The following RNF152 variants were observed in gnomAD, a reference collection of about 807,000 sequenced individuals.
The protein encoded by RNF152 is ring finger protein 152.
A neutral mutation model predicts 12.7 loss-of-function variants in RNF152; 11 were observed. The ratio of observed to expected loss-of-function variants is 0.86; its 90% confidence interval spans 0.54 to 1.43. The LOEUF (loss-of-function observed/expected upper bound fraction) is 1.43. RNF152 is among the 40% of genes most tolerant of loss of function. The pLI is 0.00. For synonymous variants in RNF152, 113 were observed against 120.3 expected, an observed-to-expected ratio of 0.94 and a Z score of 0.40; for missense variants, 255 against 274.8, an observed-to-expected ratio of 0.93 and a Z score of 0.51.
rs530346175 is a variant in RNF152 at position 61,878,114 on chromosome 18, A to G, written c.-136+14681T>C. Among the ~76,000 whole-genome samples the G allele has an allele frequency of 3.3e-5, 5 of 152,318 alleles. No individual in the cohort carries two copies. In the East Asian group the frequency reaches 9.7e-4, roughly 29 times the overall value. ...ACTCTGAACTGCATCTCATTTCCAT[A>G]TACATCCCATTGGTGAGAACCAGTC... On this transcript the variant is annotated intron_variant, in intron 1 of 1. Transcript: ENST00000312828.
intron 1 of RNF152, among the ~76,000 whole-genome samples, chr18:61,875,657 A>G (rs1912181795): frequency 6.6e-6 from 1 of 152,144 alleles, no homozygotes; most frequent in African/African-American, 2.4e-5. Flanking sequence ...TTTTCCCTGC[A>G]ATTTTATATC....
At chr18:61,836,060 G>C (rs1490545101) in intron 1 of RNF152, among the ~76,000 whole-genome samples, 1 of 152,160 alleles carries the variant, frequency 6.6e-6, no homozygotes, top group African/African-American at 2.4e-5. Flanking sequence ...CAACTGAAAG[G>C]CCTAGAAACA....
intron 1 of RNF152, among the ~76,000 whole-genome samples, chr18:61,870,010 A>G (rs974927000): frequency 1.4e-4 from 21 of 152,234 alleles, no homozygotes; most frequent in Admixed American, 1.2e-3. Context: ...TCTGATTTTT[A>G]TCCATGAAGG....
At chr18:61,840,204 A>C (rs543223177) in intron 1 of RNF152, among the ~76,000 whole-genome samples, 1 of 152,200 alleles carries the variant, frequency 6.6e-6, no homozygotes. Context: ...CCAGACACTG[A>C]ATCTGCCAGC....
At chr18:61,864,751 T>C (rs1224831082) in intron 1 of RNF152, among the ~76,000 whole-genome samples, 1 of 151,852 alleles carries the variant, frequency 6.6e-6, no homozygotes, top group Admixed American at 6.6e-5. Context: ...CAAGGTATGG[T>C]TGAAAGGAGT....
chr18:61,882,806 C>T (rs568671325), intron 1 of RNF152, among the ~76,000 whole-genome samples: 41 of 152,094 alleles, frequency 2.7e-4, no homozygotes, highest in Non-Finnish European at 4.9e-4. Flanking sequence ...AGACTCATCA[C>T]GAAAACCCTC....
At chr18:61,852,806 C>G (rs1322270098) in intron 1 of RNF152, among the ~76,000 whole-genome samples, 1 of 152,186 alleles carries the variant, frequency 6.6e-6, no homozygotes, top group African/African-American at 2.4e-5. Context: ...ACATAAGGCA[C>G]ACACCTGCCT....
intron 1 of RNF152, among the ~76,000 whole-genome samples, chr18:61,830,065 A>G (rs1909868295): frequency 6.8e-6 from 1 of 146,298 alleles, no homozygotes; most frequent in Non-Finnish European, 1.5e-5. Flanking sequence ...TCTGTCGCCC[A>G]GGCTGGAGTG....
intron 1 of RNF152, among the ~76,000 whole-genome samples, chr18:61,845,890 T>C (rs1251197419): frequency 6.7e-6 from 1 of 150,362 alleles, no homozygotes; most frequent in East Asian, 1.9e-4. Flanking sequence ...TAATCACCAA[T>C]GTGAAGGTAT....
intron 1 of RNF152, among the ~76,000 whole-genome samples, chr18:61,873,625 C>T (rs778791604): frequency 7.9e-5 from 12 of 152,314 alleles, no homozygotes; most frequent in Admixed American, 1.3e-4. Flanking sequence ...TGAGCCACCA[C>T]GCCCAGCCTC....
intron 1 of RNF152, among the ~76,000 whole-genome samples, chr18:61,862,582 C>A (rs1030430469): frequency 1.3e-5 from 2 of 152,216 alleles, no homozygotes; most frequent in Non-Finnish European, 2.9e-5. Context: ...AAGGAGCTTC[C>A]AGACAGCTGA....
In RNF152 at chr18:61,816,485, G is replaced by T. The variant is rs202181235; in HGVS notation, c.-22C>A. 202 of 1,577,910 alleles carry T rather than the reference G, an allele frequency of 1.3e-4. 1 individual carries two copies. The East Asian group carries it at 4.4e-3, about 35-fold the overall frequency. On this transcript the variant is annotated 5_prime_UTR_variant, in exon 2 of 2. Transcript: ENST00000312828. ...CCATGGTGGACCGTGAGCAGGAAGG[G>T]CAAGGCCAAGGTGAAGGGGAAGGAG...
intron 1 of RNF152, among the ~76,000 whole-genome samples, chr18:61,840,973 G>A (rs1334212208): frequency 6.6e-6 from 1 of 152,044 alleles, no homozygotes; most frequent in East Asian, 1.9e-4. Context: ...AGAAGCACCT[G>A]TCCAACTGGG....
At chr18:61,836,407 C>T (rs1408857171) in intron 1 of RNF152, among the ~76,000 whole-genome samples, 1 of 152,066 alleles carries the variant, frequency 6.6e-6, no homozygotes, top group African/African-American at 2.4e-5. Flanking sequence ...GGAGGTAGGG[C>T]CTTCAGGAGG....
intron 1 of RNF152, among the ~76,000 whole-genome samples, chr18:61,832,333 C>G (rs1340409219): frequency 2.0e-5 from 3 of 152,186 alleles, no homozygotes; most frequent in East Asian, 1.9e-4. Context: ...TATATATGTA[C>G]TACTTAACTA....
intron 1 of RNF152, among the ~76,000 whole-genome samples, chr18:61,854,631 A>G (rs1163941648): frequency 1.3e-5 from 2 of 152,172 alleles, no homozygotes; most frequent in African/African-American, 4.8e-5. Context: ...AAGCTGGGGT[A>G]ATCAGAAGGT....
intron 1 of RNF152, among the ~76,000 whole-genome samples, chr18:61,839,336 C>T (rs1442644970): frequency 6.6e-6 from 1 of 152,194 alleles, no homozygotes; most frequent in African/African-American, 2.4e-5. Flanking sequence ...AGTCCCTAGT[C>T]TTTCCTTGAC....
intron 1 of RNF152, among the ~76,000 whole-genome samples, chr18:61,864,380 G>A (rs1435364498): frequency 6.6e-6 from 1 of 152,142 alleles, no homozygotes; most frequent in Non-Finnish European, 1.5e-5. Flanking sequence ...GGCTATTACT[G>A]GTTTATGATA....
chr18:61,852,604 T>C (rs1402417427), intron 1 of RNF152, among the ~76,000 whole-genome samples: 1 of 152,196 alleles, frequency 6.6e-6, no homozygotes, highest in Non-Finnish European at 1.5e-5. Flanking sequence ...GCAAACACAA[T>C]ACCTCTGCAG....
Sources: gnomAD v4.1 joint callset for allele counts (sites outside exome capture counted in the v4.1 genomes callset) on GRCh38, gnomAD v4.1.1 for gene constraint, MANE v1.5 for transcripts, NCBI Gene and HGNC (gene_info 2026-07-23, HGNC 2026-07-21) for gene names.